The following RC3H1 variants were observed in gnomAD, a reference collection of about 807,000 sequenced individuals.
RC3H1 encodes the protein roquin-1.
In RC3H1, 50 loss-of-function variants were observed where a neutral mutation model predicts 138.2. The observed-to-expected ratio is 0.36, with a 90% confidence interval of 0.29 to 0.46. RC3H1 has a LOEUF of 0.46. RC3H1 is among the 20% of genes least tolerant of loss of function. The pLI, the probability that RC3H1 is intolerant of heterozygous loss-of-function variation, is 1.00. For synonymous variants in RC3H1, 462 were observed against 489.1 expected (o/e 0.94, Z 0.73); for missense variants, 1,031 against 1,388.1 (o/e 0.74, Z 4.09).
At chr1:173,998,830 G>A (rs1465495541) in intron 1 of RC3H1, among the ~76,000 whole-genome samples, 4 of 152,090 alleles carry the variant, frequency 2.6e-5, no homozygotes, top group Non-Finnish European at 4.4e-5. Context: ...TGTGGTTCAC[G>A]CCTGCAATCT....
chr1:173,947,082 G>T (rs939873497), intron 15 of RC3H1, among the ~76,000 whole-genome samples: 1 of 152,102 alleles, frequency 6.6e-6, no homozygotes, highest in Non-Finnish European at 1.5e-5. Flanking sequence ...CCAAATTACT[G>T]TATAATGAGA....
At chr1:173,939,405 T>C (rs745345689) in intron 19 of RC3H1, among the ~76,000 whole-genome samples, 2 of 151,490 alleles carry the variant, frequency 1.3e-5, no homozygotes, top group Non-Finnish European at 2.9e-5. Context: ...TGGTGGTGTG[T>C]GCCTGTAAAA....
At chr1:174,011,691 A>T (rs886069290) in intron 1 of RC3H1, among the ~76,000 whole-genome samples, 1 of 152,174 alleles carries the variant, frequency 6.6e-6, no homozygotes, top group Non-Finnish European at 1.5e-5. Context: ...GACTGATATG[A>T]GGACCTCCAT....
intron 9 of RC3H1, among the ~76,000 whole-genome samples, chr1:173,968,445 A>G (rs1660212808): frequency 6.6e-6 from 1 of 152,120 alleles, no homozygotes; most frequent in Non-Finnish European, 1.5e-5. Context: ...TATTGGTTCA[A>G]TTTATATACA....
rs781396606 is a variant in RC3H1 at position 173,964,038 on chromosome 1, G to A, written c.1766C>T (p.Thr589Met). 3.7e-5 allele frequency: 60 copies of A among 1,613,960 alleles called. 1 individual carries two copies. The South Asian group carries it at 4.6e-4, about 12-fold the overall frequency. Residue 589 changes from threonine (T) to methionine (M), a missense_variant, in exon 11 of 20, where the codon ACG (threonine) becomes ATG (methionine). Coordinates refer to ENST00000367696, the MANE Select transcript of RC3H1 (RefSeq NM_172071.4). Reference sequence around the variant, plus strand: ...TCGAGGATCCTGATAATAAACATCCGTCTGTTGTGCTGGATATAACTGAGA... The same window carrying A: ...TCGAGGATCCTGATAATAAACATCCATCTGTTGTGCTGGATATAACTGAGA... ...RGSQLYPAQQ[T>M]DVYYQDPRGA...
At chr1:173,988,020 T>A (rs1661101612) in intron 2 of RC3H1, among the ~76,000 whole-genome samples, 1 of 152,218 alleles carries the variant, frequency 6.6e-6, no homozygotes, top group Non-Finnish European at 1.5e-5. Context: ...ACACTGCTTA[T>A]AGATAATATC....
intron 10 of RC3H1, among the ~76,000 whole-genome samples, chr1:173,964,609 C>T (rs527691064): frequency 1.5e-3 from 223 of 152,098 alleles, no homozygotes; most frequent in Admixed American, 2.4e-3. Flanking sequence ...TCAAGTGACC[C>T]GTCCACCTCA....
chr1:174,006,578 T>C (rs1191463247), intron 1 of RC3H1, among the ~76,000 whole-genome samples: 1 of 152,202 alleles, frequency 6.6e-6, no homozygotes, highest in East Asian at 1.9e-4. Flanking sequence ...CTTTGAGCAC[T>C]TGTAACTTTT....
intron 2 of RC3H1, 70 bp downstream of exon 2, chr1:173,992,685 C>CACACAG (rs1661339677): frequency 2.7e-6 from 3 of 1,126,586 alleles, no homozygotes; most frequent in Middle Eastern, 2.0e-4. Flanking sequence ...CACACACACA[C>CACACAG]ACACACACAC....
Position 173,961,115 on chromosome 1 carries a change from G to A in RC3H1, c.2332C>T (p.Pro778Ser), listed in dbSNP as rs1336413853. Residue 778 changes from proline to serine, a missense_variant, in exon 13 of 20, where the codon CCT becomes TCT. Physicochemically the swap from Pro to Ser is moderately conservative, Grantham distance 74. Around this residue, in one of 7 missense-constraint regions of RC3H1, gnomAD observed 716 missense variants for 837.9 expected, o/e 0.85. Coordinates refer to ENST00000367696, the MANE Select transcript of RC3H1 (RefSeq NM_172071.4). ...RKVISPPPFA[P>S]SPTLPPTFHP... ...AAGGTAGGAGGCAAGGTTGGTGAAG[G>A]TGCAAAAGGAGGTGGAGAGATAACC... 1 of 1,613,814 alleles carries A rather than the reference G, an allele frequency of 6.2e-7. No homozygotes were observed. Among genetic ancestry groups the A allele is most frequent in the Non-Finnish European group, 8.5e-7 (1 of 1,179,930 alleles).
At chr1:174,001,248 T>C (rs564094136) in intron 1 of RC3H1, among the ~76,000 whole-genome samples, 17 of 152,312 alleles carry the variant, frequency 1.1e-4, no homozygotes, top group Admixed American at 5.2e-4. Flanking sequence ...AAATCATTCA[T>C]GGAGAAGCCG....
Position 174,022,137 on chromosome 1 carries a change from CGCGGCCGTCGCCACCGCCGCG to C in RC3H1, c.-213_-193del, listed in dbSNP as rs1263194096. The C allele has an allele frequency of 1.3e-5, 5 of 396,572 alleles. No individual in the cohort carries two copies. Among genetic ancestry groups the C allele is most frequent in the Non-Finnish European group, 2.2e-5 (5 of 225,308 alleles). 24.6% of individuals were successfully genotyped at this position (396,572 alleles called of 1,614,324 possible). On this transcript the variant is annotated 5_prime_UTR_variant, in exon 1 of 20. Transcript: ENST00000367696. The surrounding 1 kb of genome is among the most constrained non-coding windows in gnomAD (Gnocchi z 4.2). Reference sequence around the variant, plus strand: ...GCAGCTCCTCTCAGCTCCGAGTCCCCGCGGCCGTCGCCACCGCCGCGGCAGCCGCCGCCGCCGCCGAGGCCA... The same window carrying C: ...GCAGCTCCTCTCAGCTCCGAGTCCCCGCAGCCGCCGCCGCCGCCGAGGCCA...
chr1:173,960,818 A>G (rs1302615927), intron 13 of RC3H1, among the ~76,000 whole-genome samples: 1 of 152,220 alleles, frequency 6.6e-6, no homozygotes. Context: ...GCAGGACACC[A>G]GGGAAAGCAT....
intron 19 of RC3H1, 26 bp from the exon 20 acceptor site, chr1:173,938,897 AAGG>A (rs1222295997): frequency 1.3e-6 from 2 of 1,547,964 alleles, no homozygotes; most frequent in African/African-American, 2.8e-5. Flanking sequence ...AATTTTGAAA[AAGG>A]AGAGAGAGAA....
chr1:173,972,284 A>G (rs911928806), intron 8 of RC3H1, among the ~76,000 whole-genome samples: 1 of 152,194 alleles, frequency 6.6e-6, no homozygotes, highest in African/African-American at 2.4e-5. Context: ...ATGACATCAG[A>G]TCAATAAGGA....
In RC3H1 at chr1:174,012,558, C is replaced by A. The variant is rs373795109; in HGVS notation, c.-151+9538G>T. Among the ~76,000 whole-genome samples, 8 of 151,844 alleles carry A rather than the reference C, an allele frequency of 5.3e-5. No individual in the cohort carries two copies. The South Asian group carries it at 6.2e-4, about 12-fold the overall frequency. On this transcript the variant is annotated intron_variant, in intron 1 of 19. Coordinates refer to ENST00000367696, the MANE Select transcript of RC3H1 (RefSeq NM_172071.4). ...CAGCACTTTGGGAGGCCGGGGCAGG[C>A]GGATCATGAGGTCAGGAGATCGAGA...
At chr1:174,008,683 AGGGGATGT>A (rs1661696393) in intron 1 of RC3H1, among the ~76,000 whole-genome samples, 1 of 152,192 alleles carries the variant, frequency 6.6e-6, no homozygotes, top group South Asian at 2.1e-4. Context: ...AAATTGTAAA[AGGGGATGT>A]TCTGGCCAGG....
intron 1 of RC3H1, among the ~76,000 whole-genome samples, chr1:174,017,654 T>C (rs865875553): frequency 6.6e-6 from 1 of 151,908 alleles, no homozygotes; most frequent in Non-Finnish European, 1.5e-5. Flanking sequence ...TTGAACAACA[T>C]TGTGAATGTA....
At chr1:174,012,640 CG>C (rs1661788578) in intron 1 of RC3H1, among the ~76,000 whole-genome samples, 1 of 151,706 alleles carries the variant, frequency 6.6e-6, no homozygotes, top group South Asian at 2.1e-4. Flanking sequence ...AAAAATTAGC[CG>C]GGTGTGGTGG....
Sources: allele counts gnomAD v4.1 joint callset (sites outside exome capture counted in the v4.1 genomes callset), GRCh38; gene constraint gnomAD v4.1.1; regional missense constraint gnomAD v4.1.1; non-coding constraint Gnocchi (gnomAD v3.1); transcripts MANE v1.5; gene names NCBI Gene and HGNC (gene_info 2026-07-23, HGNC 2026-07-21).